Variants in MERTK observed in about 807,000 individuals in gnomAD.
MERTK encodes the protein tyrosine-protein kinase Mer.
A neutral mutation model predicts 99.3 loss-of-function variants in MERTK; 69 were observed. The ratio of observed to expected loss-of-function variants is 0.70; its 90% CI spans 0.57 to 0.85. The LOEUF (loss-of-function observed/expected upper bound fraction) is 0.85. Among genes scored for constraint, MERTK ranks in the 40% least tolerant of loss-of-function variants. The probability of loss-of-function intolerance (pLI) is 0.00; values close to 1 mark genes in which losing one functional copy is unlikely to be tolerated. For synonymous variants in MERTK, 426 were observed against 467.6 expected, an observed-to-expected ratio of 0.91 and a Z score of 1.15; for missense variants, 1,125 against 1,249.4, an observed-to-expected ratio of 0.90 and a Z score of 1.50.
At chr2:112,019,217 A>G (rs1677281203) in intron 15 of MERTK, 196 bp from the exon 16 acceptor site, 1 of 711,282 alleles carries the variant, frequency 1.4e-6, no homozygotes, top group Non-Finnish European at 2.6e-6. Flanking sequence ...ATGTTTGCCA[A>G]GAAGTTTAAG....
chr2:112,022,114 T>C (rs1410535649), intron 17 of MERTK, 144 bp from the exon 18 acceptor site: 5 of 1,113,176 alleles, frequency 4.5e-6, no homozygotes, highest in Non-Finnish European at 6.7e-6. Flanking sequence ...TATTGCCGCG[T>C]TGGGAGAGCA....
intron 1 of MERTK, among the ~76,000 whole-genome samples, chr2:111,914,164 G>A (rs368747656): frequency 6.9e-6 from 1 of 144,660 alleles, no homozygotes; most frequent in Non-Finnish European, 1.5e-5. Context: ...GAGTGCAGTG[G>A]CACGATCTTG....
chr2:112,019,262 G>T, intron 15 of MERTK, 151 bp from the exon 16 acceptor site: 1 of 771,810 alleles, frequency 1.3e-6, no homozygotes. Flanking sequence ...CCTTATTTGT[G>T]ATATTAGTGA....
intron 2 of MERTK, among the ~76,000 whole-genome samples, chr2:111,937,429 C>G (rs908657001): frequency 6.6e-6 from 1 of 152,106 alleles, no homozygotes; most frequent in Non-Finnish European, 1.5e-5. Context: ...GGCAACGGAA[C>G]AACACTGCCT....
At position 111,945,001 on chromosome 2, in the gene MERTK, G is replaced by A. The variant is rs760310008; in HGVS notation, c.524G>A (p.Cys175Tyr). Reference protein sequence around the residue: ...VQRSDNGSYICKMKINNEEIV... With the variant: ...VQRSDNGSYIYKMKINNEEIV... ...CGTTCAGACAATGGGTCGTATATCT[G>A]TAAGATGAAAATAAACAATGAAGAG... The change falls in exon 3 of 19, where the codon TGT becomes TAT. Residue 175 changes from cysteine (C) to tyrosine (Y), a missense_variant. Physicochemically the swap from Cys to Tyr is radical, Grantham distance 194. Coordinates refer to ENST00000295408, the MANE Select transcript of MERTK (RefSeq NM_006343.3). 1 of 1,613,806 alleles carries A rather than the reference G, an allele frequency of 6.2e-7. No homozygotes were observed. Among genetic ancestry groups the A allele is most frequent in the Admixed American group, 1.7e-5 (1 of 60,020 alleles).
chr2:111,982,744 A>G (rs1485446165), intron 7 of MERTK, 98 bp from the exon 8 acceptor site: 3 of 1,365,966 alleles, frequency 2.2e-6, no homozygotes, highest in Non-Finnish European at 1.0e-6. Flanking sequence ...AGTGCTTTTC[A>G]TAGAGCATTT....
intron 3 of MERTK, among the ~76,000 whole-genome samples, chr2:111,946,128 C>T (rs759717224): frequency 1.3e-5 from 2 of 152,134 alleles, no homozygotes; most frequent in Non-Finnish European, 2.9e-5. Flanking sequence ...GGAAGAGACT[C>T]CCTCAGAGGA....
In MERTK at chr2:112,008,529, C is replaced by G. The variant is rs1677032958; in HGVS notation, c.1960+54C>G. On this transcript the variant is annotated intron_variant, in intron 14 of 18. Transcript: ENST00000295408. ...GCCAAGAGGGCTCTGCTGATCTGCTCTGTGCCAAAGGAAAAAATCTCTGGT... is the reference window on the plus strand; with the variant it reads ...GCCAAGAGGGCTCTGCTGATCTGCTGTGTGCCAAAGGAAAAAATCTCTGGT... The G allele has an allele frequency of 3.0e-6, 4 of 1,353,156 alleles. No individual in the cohort carries two copies. The South Asian group carries it at 4.7e-5, about 16-fold the overall frequency. 83.8% of individuals were successfully genotyped at this position (1,353,156 alleles called of 1,614,324 possible). A position where few individuals can be genotyped will look rare whatever the true frequency, so the allele number is the denominator to read the frequency against.
chr2:111,902,049 C>T (rs758428102), intron 1 of MERTK, among the ~76,000 whole-genome samples: 2 of 152,116 alleles, frequency 1.3e-5, no homozygotes, highest in African/African-American at 2.4e-5. Context: ...CCACGCCTGG[C>T]TAATTTTGTA....
chr2:111,913,971 C>A (rs886904689), intron 1 of MERTK, among the ~76,000 whole-genome samples: 3 of 151,988 alleles, frequency 2.0e-5, no homozygotes, highest in Admixed American at 1.3e-4. Flanking sequence ...GCATTGGTTA[C>A]AACTTTCAGC....
chr2:111,905,758 C>T (rs1226751225), intron 1 of MERTK, among the ~76,000 whole-genome samples: 1 of 152,032 alleles, frequency 6.6e-6, no homozygotes, highest in Non-Finnish European at 1.5e-5. Flanking sequence ...CGTGAGCCAC[C>T]GTGCCCAGCC....
In MERTK at chr2:112,029,110, AT is replaced by A; in HGVS notation, c.*249del. 1 of 1,188,168 alleles carries A rather than the reference AT, an allele frequency of 8.4e-7. No individual in the cohort carries two copies. The allele number at this position is 1,188,168 out of a possible 1,614,324, so 73.6% of individuals were successfully genotyped here. A position where few individuals can be genotyped will look rare whatever the true frequency, so the allele number is the denominator to read the frequency against. ...ATTTTAATAAAACATTACTTATTTCATTTCACTTATCTTGCATATCTTAAAA... is the reference window on the plus strand; with the variant it reads ...ATTTTAATAAAACATTACTTATTTCATTCACTTATCTTGCATATCTTAAAA... On this transcript the variant is annotated 3_prime_UTR_variant, in exon 19 of 19. Coordinates refer to ENST00000295408, the MANE Select transcript of MERTK (RefSeq NM_006343.3).
chr2:111,911,580 G>A (rs1415793628), intron 1 of MERTK, among the ~76,000 whole-genome samples: 1 of 151,462 alleles, frequency 6.6e-6, no homozygotes, highest in African/African-American at 2.4e-5. Context: ...GTAAAGATGG[G>A]GTTTCACCAT....
intron 1 of MERTK, among the ~76,000 whole-genome samples, chr2:111,920,085 A>G (rs1684426290): frequency 1.3e-5 from 2 of 151,906 alleles, no homozygotes; most frequent in African/African-American, 4.8e-5. Flanking sequence ...ACTAAATGAT[A>G]CTAAGTTATA....
intron 4 of MERTK, chr2:111,952,572 C>G (rs1364670718): frequency 1.3e-5 from 2 of 152,214 alleles, no homozygotes; most frequent in Non-Finnish European, 2.9e-5. Context: ...CTGAGTTTGT[C>G]CAGCTGACCA....
rs114284435 is a variant in MERTK, at chr2:111,927,189, G to T, written c.62-1931G>T. On this transcript the variant is annotated intron_variant, in intron 1 of 18. Transcript: ENST00000295408. ...TCTGGCATTGATCCTGACTCACTAA[G>T]GAGGCAGTTCCCAAAGGCAACAGCC... Among the ~76,000 whole-genome samples the T allele has an allele frequency of 9.8e-3, 1,497 of 152,306 alleles. 27 individuals carry two copies. The highest frequency in any genetic ancestry group is 0.035 in the African/African-American group (1,441 of 41,550).
intron 4 of MERTK, among the ~76,000 whole-genome samples, chr2:111,961,643 G>T (rs962450835): frequency 6.6e-6 from 1 of 152,126 alleles, no homozygotes; most frequent in African/African-American, 2.4e-5. Flanking sequence ...AGATGTATGG[G>T]TTTGCTTTTC....
At position 111,982,857 on chromosome 2, in the gene MERTK, C is replaced by T. The variant is rs778449521; in HGVS notation, c.1160C>T (p.Pro387Leu). The change falls in exon 8 of 19, where the codon CCT (proline) becomes CTT (leucine). Residue 387 changes from proline to leucine, a missense_variant. By Grantham distance (98) the Pro-to-Leu change is moderately conservative. Coordinates refer to ENST00000295408, the MANE Select transcript of MERTK (RefSeq NM_006343.3). ...STTEGAPSVA[P>L]LNVTVFLNES... is the part of the protein sequence containing the mutation. The stretch of plus-strand genomic sequence containing the variant: ...TCTTTTGTAGCCCCATCAGTAGCAC[C>T]TTTAAATGTCACTGTGTTTCTGAAT... The T allele has an allele frequency of 6.2e-7, 1 of 1,614,016 alleles. No homozygotes were observed.
chr2:111,930,171 G>C (rs139948143), intron 2 of MERTK: 2 of 152,558 alleles, frequency 1.3e-5, no homozygotes, highest in South Asian at 2.1e-4. Flanking sequence ...GTTTCTTACC[G>C]GGTAGGAGGA....
Sources: gnomAD v4.1 joint callset for allele counts (sites outside exome capture counted in the v4.1 genomes callset) on GRCh38, gnomAD v4.1.1 for gene constraint, MANE v1.5 for transcripts, NCBI Gene and HGNC (gene_info 2026-07-23, HGNC 2026-07-21) for gene names.